LPIN1: variants seen among roughly 807,000 people sequenced by gnomAD.
The protein encoded by LPIN1 is phosphatidate phosphatase LPIN1.
Under a neutral mutation model 107.5 loss-of-function variants are expected in LPIN1, and 71 were observed. The ratio of observed to expected loss-of-function variants is 0.66; its 90% CI spans 0.55 to 0.80. The LOEUF is 0.80. LPIN1 is among the 30% of genes least tolerant of loss of function. The pLI, the probability that LPIN1 is intolerant of heterozygous loss-of-function variation, is 0.00. For synonymous variants in LPIN1, 445 were observed against 452.6 expected, an observed-to-expected ratio of 0.98 and a Z score of 0.21; for missense variants, 1,043 against 1,160.6, an observed-to-expected ratio of 0.90 and a Z score of 1.47.
At chr2:11,799,851 G>T (rs895149802) in intron 14 of LPIN1, among the ~76,000 whole-genome samples, 1 of 152,160 alleles carries the variant, frequency 6.6e-6, no homozygotes, top group African/African-American at 2.4e-5. Flanking sequence ...AATGTAGCCC[G>T]AAGTTACCAT....
Position 11,764,078 on chromosome 2 carries a change from G to GTGTATA in LPIN1, c.-9-1454_-9-1453insGTATAT, listed in dbSNP as rs1313228035. The stretch of plus-strand genomic sequence containing the variant: ...AATGTGTGTGTGTGTGTGTGTGTGT[G>GTGTATA]TATATATATATATATATATATATAT... On this transcript the variant is annotated intron_variant, in intron 1 of 20. Transcript: ENST00000674199. 4.8e-3 allele frequency: 304 copies of GTGTATA among 63,246 alleles called. 1 individual carries two copies. The highest frequency in any genetic ancestry group is 7.0e-3 in the Non-Finnish European group (228 of 32,346). 3.9% of individuals were successfully genotyped at this position (63,246 alleles called of 1,614,324 possible). A position where few individuals can be genotyped will look rare whatever the true frequency, so the allele number is the denominator to read the frequency against.
Position 11,820,485 on chromosome 2 carries a change from A to T in LPIN1, c.2592A>T (p.Val864=). ...IFTVNPKGEL[V]QEHAKTNISS... ...CCGTCAACCCTAAAGGAGAGCTGGT[A>T]CAGGAACATGCAAAGACCAACATCT... The change falls in exon 20 of 21, where the codon GTA becomes GTT. Residue 864 remains valine, a synonymous_variant. Transcript: ENST00000674199. 1 of 1,613,430 alleles carries T rather than the reference A, an allele frequency of 6.2e-7. No homozygotes were observed. Among genetic ancestry groups the T allele is most frequent in the South Asian group, 1.1e-5 (1 of 91,064 alleles).
In LPIN1 at chr2:11,678,698, G is replaced by A. The variant is rs531795875; in HGVS notation, c.81+970G>A. On this transcript the variant is annotated intron_variant, in intron 1 of 21. Coordinates refer to the LPIN1 transcript ENST00000449576. ...TTCAGGGACAAGAGGTCCTTCTGGGGCTGGTGTCCAGGCGGCAATGCAGTG... is the reference window on the plus strand; with the variant it reads ...TTCAGGGACAAGAGGTCCTTCTGGGACTGGTGTCCAGGCGGCAATGCAGTG... 2.0e-5 allele frequency among the ~76,000 whole-genome samples: 3 copies of A among 152,344 alleles called. No individual in the cohort carries two copies. In the South Asian group the frequency reaches 6.2e-4, roughly 32 times the overall value.
Position 11,785,014 on chromosome 2 carries a change from AC to A in LPIN1, c.1489del (p.Leu497SerfsTer47). ...GVESTSDGLR[D>X]LPSIAISLCG... Reference sequence around the variant, plus strand: ...GAGAGCACCTCGGACGGGCTGAGGGACCTCCCTTCCATCGCCATCTCCCTCT... The same window carrying A: ...GAGAGCACCTCGGACGGGCTGAGGGACTCCCTTCCATCGCCATCTCCCTCT... On this transcript the variant is annotated frameshift_variant, in exon 10 of 21. Coordinates refer to ENST00000674199, the MANE Select transcript of LPIN1 (RefSeq NM_001349206.2). LOFTEE classifies it high-confidence loss of function. The A allele has an allele frequency of 6.2e-7, 1 of 1,608,856 alleles. No individual in the cohort carries two copies. Among genetic ancestry groups the A allele is most frequent in the Non-Finnish European group, 8.5e-7 (1 of 1,176,970 alleles).
chr2:11,713,939 T>C, intron 2 of LPIN1: 1 of 592,470 alleles, frequency 1.7e-6, no homozygotes, highest in Non-Finnish European at 2.9e-6. Context: ...CCTATTCCTT[T>C]CCGCTGATGC....
At chr2:11,782,109 G>T in intron 7 of LPIN1, 92 bp from the exon 8 acceptor site, 1 of 975,814 alleles carries the variant, frequency 1.0e-6, no homozygotes, top group South Asian at 1.3e-5. Flanking sequence ...GCCTACTTTT[G>T]ATTACTTGTT....
At chr2:11,767,502 A>G (rs1671109823) in intron 2 of LPIN1, 1 of 484,978 alleles carries the variant, frequency 2.1e-6, no homozygotes. Flanking sequence ...ATAATGGCCA[A>G]AACTGCAGTT....
At chr2:11,806,178 C>T (rs149889190) in intron 17 of LPIN1, among the ~76,000 whole-genome samples, 1 of 152,356 alleles carries the variant, frequency 6.6e-6, no homozygotes, top group African/African-American at 2.4e-5. Context: ...ACCTTGTTTG[C>T]TCATCTCTAG....
chr2:11,820,014 A>C (rs1053768981), intron 19 of LPIN1, among the ~76,000 whole-genome samples: 1 of 152,194 alleles, frequency 6.6e-6, no homozygotes, highest in African/African-American at 2.4e-5. Context: ...GAGATTTTGC[A>C]TGTATTGCCC....
intron 1 of LPIN1, among the ~76,000 whole-genome samples, chr2:11,710,201 G>T (rs1382619707): frequency 6.6e-6 from 1 of 152,066 alleles, no homozygotes; most frequent in Non-Finnish European, 1.5e-5. Flanking sequence ...CCCACCTTCT[G>T]CAAGACCACA....
intron 1 of LPIN1, among the ~76,000 whole-genome samples, chr2:11,699,941 A>AG (rs1662783728): frequency 6.6e-6 from 1 of 152,148 alleles, no homozygotes; most frequent in African/African-American, 2.4e-5. Context: ...CTTCAATTAA[A>AG]AAAAAAATGG....
At position 11,784,954 on chromosome 2, in the gene LPIN1, A is replaced by C; in HGVS notation, c.1427A>C (p.Gln476Pro). The C allele has an allele frequency of 2.5e-6, 4 of 1,613,936 alleles. No homozygotes were observed. Among genetic ancestry groups the C allele is most frequent in the Non-Finnish European group, 3.4e-6 (4 of 1,180,002 alleles). ...NGARSANQSPQSVGSSGVDSG... is the reference protein window; with the variant it reads ...NGARSANQSPPSVGSSGVDSG... ...GCCCGGTCAGCCAACCAGTCCCCGC[A>C]GTCGGTGGGCAGCTCGGGCGTGGAC... is the stretch of plus-strand genomic sequence containing the variant. The change falls in exon 10 of 21, where the codon CAG becomes CCG. Residue 476 changes from glutamine to proline, a missense_variant. Coordinates refer to ENST00000674199, the MANE Select transcript of LPIN1 (RefSeq NM_001349206.2).
chr2:11,713,219 A>T (rs1558741447), intron 1 of LPIN1, among the ~76,000 whole-genome samples: 1 of 152,160 alleles, frequency 6.6e-6, no homozygotes, highest in East Asian at 1.9e-4. Context: ...CTCATAACGC[A>T]CCCTATGTAA....
At chr2:11,708,224 T>C (rs1663223086) in intron 1 of LPIN1, among the ~76,000 whole-genome samples, 1 of 152,160 alleles carries the variant, frequency 6.6e-6, no homozygotes, top group Non-Finnish European at 1.5e-5. Context: ...GCAGCTTGAC[T>C]CTCATCAATT....
intron 8 of LPIN1, among the ~76,000 whole-genome samples, chr2:11,782,923 A>G (rs112468659): frequency 5.3e-5 from 8 of 152,274 alleles, no homozygotes; most frequent in African/African-American, 1.9e-4. Flanking sequence ...ATTTCAAATG[A>G]TCATTATTTT....
At chr2:11,793,632 A>G (rs938196641) in intron 13 of LPIN1, among the ~76,000 whole-genome samples, 2 of 151,890 alleles carry the variant, frequency 1.3e-5, no homozygotes, top group African/African-American at 4.8e-5. Context: ...TGCACATGCT[A>G]TTTTCATTAC....
chr2:11,800,935 C>G (rs1407826339), intron 14 of LPIN1, among the ~76,000 whole-genome samples: 1 of 152,164 alleles, frequency 6.6e-6, no homozygotes, highest in South Asian at 2.1e-4. Context: ...TTCCATTTAA[C>G]GGGTTGTCTC....
chr2:11,698,977 C>T (rs79912602), intron 1 of LPIN1, among the ~76,000 whole-genome samples: 10 of 152,258 alleles, frequency 6.6e-5, no homozygotes, highest in Non-Finnish European at 1.2e-4. Context: ...GTCCGCTGGC[C>T]GTATGCAGCC....
intron 6 of LPIN1, chr2:11,777,426 C>G (rs945763913): frequency 1.3e-5 from 2 of 152,044 alleles, no homozygotes; most frequent in Non-Finnish European, 2.9e-5. Context: ...TTTTGTGGCT[C>G]GTGGCTTTTA....
Sources: allele counts gnomAD v4.1 joint callset (sites outside exome capture counted in the v4.1 genomes callset), GRCh38; gene constraint gnomAD v4.1.1; transcripts MANE v1.5; gene names NCBI Gene and HGNC (gene_info 2026-07-23, HGNC 2026-07-21).